TCERG1: variants seen among roughly 807,000 people sequenced by gnomAD.
The protein encoded by TCERG1 is transcription elongation regulator 1.
Under a neutral mutation model 144.7 loss-of-function variants are expected in TCERG1, and 37 were observed. That is an observed-to-expected ratio of 0.26 (90% confidence interval 0.20 to 0.34). The LOEUF (loss-of-function observed/expected upper bound fraction) is 0.34. TCERG1 is among the 10% of genes least tolerant of loss of function. TCERG1 has a pLI of 1.00. For synonymous variants in TCERG1, 492 were observed against 458.2 expected (o/e 1.07, Z -0.94); for missense variants, 1,027 against 1,380.7 (o/e 0.74, Z 4.06).
chr5:146,490,824 T>A (rs1326392707), intron 15 of TCERG1, among the ~76,000 whole-genome samples: 1 of 152,122 alleles, frequency 6.6e-6, no homozygotes, highest in Non-Finnish European at 1.5e-5. Flanking sequence ...TCCTGTTAAT[T>A]ACCTTTGTCT....
chr5:146,503,677 T>G, intron 18 of TCERG1, 138 bp downstream of exon 18: 2 of 1,361,066 alleles, frequency 1.5e-6, no homozygotes, highest in Non-Finnish European at 2.0e-6. Flanking sequence ...AGAGTCTAGT[T>G]GATTTGGAGA....
intron 1 of TCERG1, among the ~76,000 whole-genome samples, chr5:146,454,425 T>G (rs1481779955): frequency 1.4e-5 from 2 of 147,876 alleles, no homozygotes; most frequent in Non-Finnish European, 3.0e-5. Flanking sequence ...ATGTAGAGTG[T>G]TTTTTTTTTC....
rs780755682 is a variant in TCERG1, at chr5:146,498,576, T to A, written c.2323T>A (p.Ser775Thr). The change falls in exon 17 of 23, where the codon TCA becomes ACA. Residue 775 changes from serine (S) to threonine (T), a missense_variant. Ser to Thr is a moderately conservative substitution (Grantham distance 58). Transcript: ENST00000679501. ...ATTTGCAGCCAAGCATGCTAAAGATTCAAGATTCAAAGCAATTGAAAAGAT... is the reference window on the plus strand; with the variant it reads ...ATTTGCAGCCAAGCATGCTAAAGATACAAGATTCAAAGCAATTGAAAAGAT... ...SEFAAKHAKD[S>T]RFKAIEKMKD... 1 of 1,610,122 alleles carries A rather than the reference T, an allele frequency of 6.2e-7. No homozygotes were observed. Among genetic ancestry groups the A allele is most frequent in the Non-Finnish European group, 8.5e-7 (1 of 1,178,352 alleles).
At chr5:146,463,205 GTTTA>G (rs911828486) in intron 4 of TCERG1, among the ~76,000 whole-genome samples, 5 of 151,922 alleles carry the variant, frequency 3.3e-5, no homozygotes, top group Admixed American at 1.3e-4. Flanking sequence ...TTTCTCACTG[GTTTA>G]TTTTTTTCTT....
intron 7 of TCERG1, 86 bp from the exon 8 acceptor site, chr5:146,470,550 G>A: frequency 9.3e-7 from 1 of 1,071,408 alleles, no homozygotes; most frequent in South Asian, 1.6e-5. Flanking sequence ...ACTTGGGAAT[G>A]GAATATCTTA....
intron 9 of TCERG1, among the ~76,000 whole-genome samples, chr5:146,471,808 A>G (rs1227000937): frequency 6.6e-6 from 1 of 152,162 alleles, no homozygotes; most frequent in Non-Finnish European, 1.5e-5. Context: ...CATGTTGGCC[A>G]GGATGGTCTT....
intron 15 of TCERG1, among the ~76,000 whole-genome samples, chr5:146,487,127 G>A (rs1394859247): frequency 6.6e-6 from 1 of 151,872 alleles, no homozygotes; most frequent in African/African-American, 2.4e-5. Context: ...GAAAATTACA[G>A]GATATTAAAT....
At chr5:146,501,075 T>C (rs1294533937) in intron 17 of TCERG1, among the ~76,000 whole-genome samples, 2 of 152,146 alleles carry the variant, frequency 1.3e-5, no homozygotes, top group Non-Finnish European at 2.9e-5. Context: ...AGCTATTTTA[T>C]TGTAATATAT....
intron 1 of TCERG1, among the ~76,000 whole-genome samples, chr5:146,452,090 A>C (rs573014722): frequency 2.5e-3 from 376 of 152,166 alleles, no homozygotes; most frequent in African/African-American, 8.3e-3. Context: ...TCCTGGCCTA[A>C]ATTGGTTCTT....
At chr5:146,471,715 C>T (rs1184783616) in intron 9 of TCERG1, 139 bp downstream of exon 9, 1 of 563,482 alleles carries the variant, frequency 1.8e-6, no homozygotes, top group Non-Finnish European at 3.1e-6. Flanking sequence ...TCTCCTGCCT[C>T]AGCTTCCCGA....
chr5:146,485,077 T>G lies in TCERG1; in HGVS notation c.2163+1448T>G, dbSNP rs145401951. ...AAGCTCTTTTCATGGTCTCTAATAT[T>G]CTACATAGACTTACCCCTGTATACC... On this transcript the variant is annotated intron_variant, in intron 15 of 22. Transcript: ENST00000679501. Among the ~76,000 whole-genome samples, 467 of 152,338 alleles carry G rather than the reference T, an allele frequency of 3.1e-3. 3 individuals are homozygous for G. The highest frequency in any genetic ancestry group is 0.011 in the African/African-American group (442 of 41,574).
intron 1 of TCERG1, among the ~76,000 whole-genome samples, chr5:146,454,529 A>C (rs1762653921): frequency 2.6e-5 from 4 of 151,402 alleles, no homozygotes. Flanking sequence ...CTCGGCATCC[A>C]TTGATCATTC....
intron 16 of TCERG1, among the ~76,000 whole-genome samples, chr5:146,493,992 T>G (rs1489308986): frequency 6.6e-6 from 1 of 152,116 alleles, no homozygotes; most frequent in East Asian, 1.9e-4. Flanking sequence ...GAAGAATGTT[T>G]AATATAGTTT....
chr5:146,470,252 C>T (rs1764163984), intron 7 of TCERG1, among the ~76,000 whole-genome samples: 1 of 152,152 alleles, frequency 6.6e-6, no homozygotes. Flanking sequence ...ATCCTTCTGC[C>T]TCAGCTTCCC....
At chr5:146,475,552 A>G (rs2150463318) in intron 9 of TCERG1, among the ~76,000 whole-genome samples, 1 of 152,322 alleles carries the variant, frequency 6.6e-6, no homozygotes, top group South Asian at 2.1e-4. Flanking sequence ...TGTAAGATTG[A>G]AAAACTCTGG....
chr5:146,458,219 A>T (rs556675569), intron 3 of TCERG1, among the ~76,000 whole-genome samples: 92 of 151,400 alleles, frequency 6.1e-4, no homozygotes, highest in Middle Eastern at 3.5e-3. Context: ...GCTGTCACCC[A>T]GCCTGGAGTG....
intron 3 of TCERG1, 99 bp downstream of exon 3, chr5:146,457,434 T>C: frequency 1.7e-6 from 2 of 1,207,826 alleles, no homozygotes; most frequent in Non-Finnish European, 2.3e-6. Context: ...CATTTAAGAA[T>C]GAGCCCTGGG....
intron 2 of TCERG1, among the ~76,000 whole-genome samples, chr5:146,456,432 A>AT (rs1762843462): frequency 6.6e-6 from 1 of 152,166 alleles, no homozygotes; most frequent in Non-Finnish European, 1.5e-5. Flanking sequence ...TAATGTTGTC[A>AT]TGCCTTTCTT....
rs1382145176 is a variant in TCERG1 at position 146,470,854 on chromosome 5, TTGATCTC to T, written c.1512+110_1512+116del. ...AGATTTAAAAATAATTGTTATAAAT[TTGATCTC>T]TGAAATTTTAGGATTCTTGCAAGTT... On this transcript the variant is annotated intron_variant, in intron 8 of 22. Coordinates refer to ENST00000679501, the MANE Select transcript of TCERG1 (RefSeq NM_001382548.1). 5.0e-6 allele frequency: 4 copies of T among 800,902 alleles called. No homozygotes were observed. In the African/African-American group the frequency reaches 7.2e-5, roughly 14 times the overall value. The allele number at this position is 800,902 out of a possible 1,614,324, so 49.6% of individuals were successfully genotyped here. A position where few individuals can be genotyped will look rare whatever the true frequency, so the allele number is the denominator to read the frequency against.
Sources: gnomAD v4.1 joint callset for allele counts (sites outside exome capture counted in the v4.1 genomes callset) on GRCh38, gnomAD v4.1.1 for gene constraint, MANE v1.5 for transcripts, NCBI Gene and HGNC (gene_info 2026-07-23, HGNC 2026-07-21) for gene names.